The following SLIT1 variants were observed in gnomAD, a reference collection of about 807,000 sequenced individuals.
SLIT1 encodes slit homolog 1 protein.
In SLIT1, 66 loss-of-function variants were observed where a neutral mutation model predicts 186.1. The observed-to-expected ratio is 0.35, with a 90% CI of 0.29 to 0.44. The LOEUF (loss-of-function observed/expected upper bound fraction) is 0.44. Among genes scored for constraint, SLIT1 ranks in the 20% least tolerant of loss-of-function variants. SLIT1 has a pLI of 1.00. For synonymous variants in SLIT1, 761 were observed against 833.8 expected (o/e 0.91, Z 1.50); for missense variants, 1,638 against 2,037.4 (o/e 0.80, Z 3.77).
rs774792746 is a variant in SLIT1 at position 97,043,561 on chromosome 10, G to A, written c.1854-48C>T. On this transcript the variant is annotated intron_variant, in intron 18 of 36. Transcript: ENST00000266058. The surrounding 1 kb of genome is among the most constrained non-coding windows in gnomAD (Gnocchi z 7.0). ...GGAGGGGACCCTTGCTGCCCTGCCA[G>A]CCATCCACCTGGGCCACGCAGCTTC... 2 of 1,571,342 alleles carry A rather than the reference G, an allele frequency of 1.3e-6. No individual in the cohort carries two copies. The highest frequency in any genetic ancestry group is 2.3e-5 in the South Asian group (2 of 87,640).
At chr10:97,106,536 C>T (rs1849417064) in intron 4 of SLIT1, among the ~76,000 whole-genome samples, 1 of 152,122 alleles carries the variant, frequency 6.6e-6, no homozygotes, top group Non-Finnish European at 1.5e-5. Context: ...TGTTTATTGC[C>T]CAGTGCAGCG....
chr10:97,039,515 C>T (rs948725537), intron 21 of SLIT1, among the ~76,000 whole-genome samples: 4 of 152,038 alleles, frequency 2.6e-5, no homozygotes, highest in Non-Finnish European at 4.4e-5. Context: ...CTCTGACTGG[C>T]GATTTCAGTG....
At position 97,000,637 on chromosome 10, in the gene SLIT1, G is replaced by A. The variant is rs570229664; in HGVS notation, c.*475C>T. On this transcript the variant is annotated 3_prime_UTR_variant, in exon 37 of 37. Coordinates refer to ENST00000266058, the MANE Select transcript of SLIT1 (RefSeq NM_003061.3). ...CAGAATGAACCAGGCTGGCTTCCCG[G>A]GGAGGCTGACAGTACTTCATGGTTG... The A allele has an allele frequency of 6.5e-6, 1 of 154,118 alleles. No individual in the cohort carries two copies. The highest frequency in any genetic ancestry group is 6.5e-5 in the Admixed American group (1 of 15,412). 9.5% of individuals were successfully genotyped at this position (154,118 alleles called of 1,614,324 possible). A position where few individuals can be genotyped will look rare whatever the true frequency, so the allele number is the denominator to read the frequency against.
Position 97,001,172 on chromosome 10 carries a change from C to G in SLIT1, c.4545G>C (p.Gly1515=), listed in dbSNP as rs757149265. The G allele has an allele frequency of 1.2e-6, 2 of 1,613,272 alleles. No individual in the cohort carries two copies. The highest frequency in any genetic ancestry group is 1.7e-6 in the Non-Finnish European group (2 of 1,179,872). The change falls in exon 37 of 37, where the codon GGG becomes GGC. Residue 1515 remains glycine, a synonymous_variant. Transcript: ENST00000266058. ...TTTCCACCTCCTCGGCAAAAGAGGT[C>G]CCATCGCTGCACTCAAAGGTGAACT... The part of the protein sequence containing the change: ...RRKFTFECSD[G]TSFAEEVEKP...
intron 4 of SLIT1, 91 bp downstream of exon 4, chr10:97,157,727 T>C: frequency 1.1e-6 from 1 of 943,600 alleles, no homozygotes; most frequent in Non-Finnish European, 1.7e-6. Context: ...GTCATGGGAA[T>C]ATCCAGGCCC....
intron 4 of SLIT1, among the ~76,000 whole-genome samples, chr10:97,086,445 G>A (rs1377854431): frequency 6.6e-6 from 1 of 152,086 alleles, no homozygotes; most frequent in African/African-American, 2.4e-5. Flanking sequence ...AGGCATGGTG[G>A]TGCATGCCTG....
intron 23 of SLIT1, among the ~76,000 whole-genome samples, chr10:97,034,157 G>T (rs1021299558): frequency 1.3e-5 from 2 of 152,278 alleles, no homozygotes; most frequent in African/African-American, 2.4e-5. Flanking sequence ...GAGCCACTGC[G>T]CCTGGCCGAG....
Position 97,004,837 on chromosome 10 carries a change from GCACTT to G in SLIT1, c.3580-19_3580-15del. On this transcript the variant is annotated splice_polypyrimidine_tract_variant and intron_variant, in intron 32 of 36. Coordinates refer to ENST00000266058, the MANE Select transcript of SLIT1 (RefSeq NM_003061.3). The surrounding 1 kb of genome is among the most constrained non-coding windows in gnomAD (Gnocchi z 5.1). ...TGCCGTGGAGACCTGATGGGCAGTG[GCACTT>G]TCTCTCCCACCCCACCCCATGCAGC... 1 of 1,614,026 alleles carries G rather than the reference GCACTT, an allele frequency of 6.2e-7. No homozygotes were observed. The highest frequency in any genetic ancestry group is 8.5e-7 in the Non-Finnish European group (1 of 1,179,918).
chr10:97,164,739 T>C, intron 2 of SLIT1, 80 bp downstream of exon 2: 1 of 1,086,502 alleles, frequency 9.2e-7, no homozygotes. Flanking sequence ...CCCACCACCC[T>C]ACCACCCACA....
At chr10:97,047,186 C>A (rs1224464507) in intron 16 of SLIT1, 121 bp from the exon 17 acceptor site, 7 of 669,878 alleles carry the variant, frequency 1.0e-5, no homozygotes, top group African/African-American at 1.8e-5. Flanking sequence ...TCTGGCAAAG[C>A]AAATTGATCC....
At chr10:97,035,991 C>G (rs1291495566) in intron 22 of SLIT1, among the ~76,000 whole-genome samples, 3 of 152,144 alleles carry the variant, frequency 2.0e-5, no homozygotes, top group Non-Finnish European at 4.4e-5. Context: ...TGTTGGAACC[C>G]TTATCACCCA....
chr10:97,038,174 G>T (rs1253435401), intron 21 of SLIT1, among the ~76,000 whole-genome samples: 2 of 152,104 alleles, frequency 1.3e-5, no homozygotes, highest in African/African-American at 4.8e-5. Flanking sequence ...GCTGGCATGG[G>T]CTGTGAAGCT....
chr10:97,007,732 C>T (rs1053540481), intron 31 of SLIT1, among the ~76,000 whole-genome samples: 6 of 151,784 alleles, frequency 4.0e-5, no homozygotes, highest in Admixed American at 3.9e-4. Flanking sequence ...ATTTGACAAA[C>T]TTCAACATTC....
At chr10:97,058,471 G>A (rs144941720) in intron 11 of SLIT1, among the ~76,000 whole-genome samples, 15 of 152,292 alleles carry the variant, frequency 9.8e-5, no homozygotes, top group East Asian at 5.8e-4. Context: ...ATTTTGGCAG[G>A]CCACCTTCAG....
chr10:97,095,858 G>A (rs1243991689), intron 4 of SLIT1, among the ~76,000 whole-genome samples: 1 of 152,202 alleles, frequency 6.6e-6, no homozygotes, highest in African/African-American at 2.4e-5. Context: ...CTAAAGCAGT[G>A]TTTCCCAGCC....
At position 97,004,141 on chromosome 10, in the gene SLIT1, G is replaced by A. The variant is rs145607290; in HGVS notation, c.3792C>T (p.Gly1264=). 4.1e-4 allele frequency: 654 copies of A among 1,613,826 alleles called. No homozygotes were observed. The highest frequency in any genetic ancestry group is 4.5e-4 in the Non-Finnish European group (531 of 1,179,706). Residue 1264 remains glycine (G), a synonymous_variant, in exon 34 of 37, where the codon GGC becomes GGT. Coordinates refer to ENST00000266058, the MANE Select transcript of SLIT1 (RefSeq NM_003061.3). The surrounding 1 kb of genome is among the most constrained non-coding windows in gnomAD (Gnocchi z 5.1). ...AGTTGTCCATGGTCATGGGGCTCCC[G>A]CCATCAATGGAGAGATTCACCATCT... is the stretch of plus-strand genomic sequence containing the variant. ...FDQMVNLSID[G]GSPMTMDNFG...
intron 1 of SLIT1, among the ~76,000 whole-genome samples, chr10:97,168,619 TC>T (rs1416199692): frequency 6.6e-6 from 1 of 152,172 alleles, no homozygotes; most frequent in Non-Finnish European, 1.5e-5. Flanking sequence ...ACTGGACCAC[TC>T]CCTCCCTGAT....
Position 97,184,731 on chromosome 10 carries a change from G to GC in SLIT1, c.197+746dup, listed in dbSNP as rs1248708327. On this transcript the variant is annotated intron_variant, in intron 1 of 36. Coordinates refer to ENST00000266058, the MANE Select transcript of SLIT1 (RefSeq NM_003061.3). The surrounding 1 kb of genome is among the most constrained non-coding windows in gnomAD (Gnocchi z 4.4). Reference sequence around the variant, plus strand: ...TCATGGTCAATATCTTTAACCTTGGGCCCCCCTCTCCAAGCTCCTGACTTC... The same window carrying GC: ...TCATGGTCAATATCTTTAACCTTGGGCCCCCCCTCTCCAAGCTCCTGACTTC... Among the ~76,000 whole-genome samples, 1 of 152,024 alleles carries GC rather than the reference G, an allele frequency of 6.6e-6. No individual in the cohort carries two copies. The highest frequency in any genetic ancestry group is 1.5e-5 in the Non-Finnish European group (1 of 68,020).
chr10:97,138,029 G>A (rs1013483951), intron 4 of SLIT1, among the ~76,000 whole-genome samples: 4 of 152,294 alleles, frequency 2.6e-5, no homozygotes, highest in African/African-American at 4.8e-5. Flanking sequence ...CCTGATTCCC[G>A]ATTAAGATTA....
Sources: gnomAD v4.1 joint callset for allele counts (sites outside exome capture counted in the v4.1 genomes callset) on GRCh38, gnomAD v4.1.1 for gene constraint, Gnocchi (gnomAD v3.1) non-coding constraint, MANE v1.5 for transcripts, NCBI Gene and HGNC (gene_info 2026-07-23, HGNC 2026-07-21) for gene names.